The following GRIA1 variants were observed in gnomAD, a reference collection of about 807,000 sequenced individuals.
GRIA1 encodes glutamate ionotropic receptor AMPA type subunit 1, also known as glutamate receptor 1.
Under a neutral mutation model 99.2 loss-of-function variants are expected in GRIA1, and 31 were observed. That is an observed-to-expected ratio of 0.31 (90% CI 0.23 to 0.42). The LOEUF (loss-of-function observed/expected upper bound fraction) is 0.42. GRIA1 is among the 10% of genes least tolerant of loss of function. The pLI is 1.00. For missense variants in GRIA1, 782 were observed against 1,157.5 expected (o/e 0.68, Z 4.71); for synonymous variants, 438 against 432.4 (o/e 1.01, Z -0.16).
intron 5 of GRIA1, 137 bp from the exon 6 acceptor site, chr5:153,674,363 A>G: frequency 1.1e-6 from 1 of 926,102 alleles, no homozygotes; most frequent in Non-Finnish European, 1.7e-6. Flanking sequence ...AGTTCAAAGG[A>G]AAGGAGGCCT....
chr5:153,499,425 C>T (rs1309792805), intron 2 of GRIA1, among the ~76,000 whole-genome samples: 2 of 151,760 alleles, frequency 1.3e-5, no homozygotes, highest in African/African-American at 2.4e-5. Flanking sequence ...ACCATCCTGG[C>T]TAATACAGTG....
Position 153,676,152 on chromosome 5 carries a change from C to T in GRIA1, c.862-842C>T, listed in dbSNP as rs556285226. Among the ~76,000 whole-genome samples the T allele has an allele frequency of 1.7e-4, 26 of 152,092 alleles. 2 individuals carry two copies. Among genetic ancestry groups the T allele is most frequent in the African/African-American group, 5.8e-4 (24 of 41,502 alleles). ...GATTACAGGCGTGAGCCACTGCGCC[C>T]GGCATGTAATTTAATTTTTTAAAAA... On this transcript the variant is annotated intron_variant, in intron 6 of 15. Transcript: ENST00000285900.
chr5:153,587,543 T>C (rs1235507343), intron 2 of GRIA1, among the ~76,000 whole-genome samples: 1 of 152,176 alleles, frequency 6.6e-6, no homozygotes, highest in Non-Finnish European at 1.5e-5. Context: ...CACAGAGTCA[T>C]CACTGACAAC....
At chr5:153,604,016 T>A (rs1362150881) in intron 2 of GRIA1, among the ~76,000 whole-genome samples, 1 of 152,204 alleles carries the variant, frequency 6.6e-6, no homozygotes, top group Non-Finnish European at 1.5e-5. Flanking sequence ...TAGTTTATAA[T>A]CTCCAATATG....
chr5:153,685,265 T>A (rs1757263013), intron 7 of GRIA1, among the ~76,000 whole-genome samples: 1 of 152,214 alleles, frequency 6.6e-6, no homozygotes. Flanking sequence ...ACAGCTAGAC[T>A]CAGACTCAGT....
At chr5:153,638,891 T>A (rs753506258) in intron 2 of GRIA1, among the ~76,000 whole-genome samples, 3 of 152,140 alleles carry the variant, frequency 2.0e-5, no homozygotes, top group Non-Finnish European at 4.4e-5. Context: ...CATTTGAGCT[T>A]AACTTTTAAA....
intron 2 of GRIA1, among the ~76,000 whole-genome samples, chr5:153,624,258 A>G (rs1311464171): frequency 1.3e-5 from 2 of 152,212 alleles, no homozygotes; most frequent in Non-Finnish European, 2.9e-5. Flanking sequence ...AATTGTCCCC[A>G]GGAAGAATGT....
intron 4 of GRIA1, 133 bp from the exon 5 acceptor site, chr5:153,655,686 T>A: frequency 2.9e-6 from 2 of 697,466 alleles, no homozygotes; most frequent in Non-Finnish European, 5.1e-6. Context: ...ATTGGATGGT[T>A]GGGATATTGT....
chr5:153,609,796 T>C (rs147176651), intron 2 of GRIA1, among the ~76,000 whole-genome samples: 35,040 of 151,798 alleles, frequency 0.23, 4,465 homozygotes, highest in Non-Finnish European at 0.3. Flanking sequence ...CTCCTGACCT[T>C]GTGATCTGCC....
intron 2 of GRIA1, among the ~76,000 whole-genome samples, chr5:153,526,934 GT>G (rs1757654311): frequency 6.6e-6 from 1 of 152,228 alleles, no homozygotes; most frequent in South Asian, 2.1e-4. Flanking sequence ...CCACAGGGTT[GT>G]TTGTGTGACT....
intron 2 of GRIA1, among the ~76,000 whole-genome samples, chr5:153,607,069 A>ATATATATAT (rs1581317931): frequency 6.9e-5 from 9 of 130,176 alleles, no homozygotes; most frequent in South Asian, 2.4e-4. Context: ...ATATATATAT[A>ATATATATAT]ATCACAGTTT....
rs11362282 is a variant in GRIA1 at position 153,613,710 on chromosome 5, CTTT to C, written c.221-33208_221-33206del. On this transcript the variant is annotated intron_variant, in intron 2 of 15. Coordinates refer to ENST00000285900, the MANE Select transcript of GRIA1 (RefSeq NM_000827.4). ...CTAACACTTTTCCCAGAAACAGCCA[CTTT>C]TTTTTTTTTGTCAGCCATCATAGAA... is the stretch of plus-strand genomic sequence containing the variant. Among the ~76,000 whole-genome samples, 198 of 147,994 alleles carry C rather than the reference CTTT, an allele frequency of 1.3e-3. 1 individual carries two copies. The highest frequency in any genetic ancestry group is 4.7e-3 in the African/African-American group (188 of 40,288).
chr5:153,670,631 G>C (rs11748694), intron 5 of GRIA1, among the ~76,000 whole-genome samples: 35,958 of 151,680 alleles, frequency 0.24, 5,638 homozygotes, highest in Non-Finnish European at 0.34. Context: ...AAATAAAGCA[G>C]ATAAAGAAAA....
intron 5 of GRIA1, among the ~76,000 whole-genome samples, chr5:153,666,951 C>T (rs1755793449): frequency 6.6e-6 from 1 of 152,150 alleles, no homozygotes; most frequent in African/African-American, 2.4e-5. Flanking sequence ...CCTTCACTTA[C>T]TTTCTTGGTC....
intron 2 of GRIA1, among the ~76,000 whole-genome samples, chr5:153,641,827 C>G (rs943586585): frequency 2.0e-5 from 3 of 152,220 alleles, no homozygotes; most frequent in Admixed American, 6.5e-5. Flanking sequence ...CTGCTGAACT[C>G]ATCCTTAACA....
At chr5:153,616,325 C>A (rs73287709) in intron 2 of GRIA1, among the ~76,000 whole-genome samples, 4,912 of 152,212 alleles carry the variant, frequency 0.032, 267 homozygotes, top group African/African-American at 0.11. Flanking sequence ...ATTCTTATCT[C>A]GCATTCTGAT....
intron 2 of GRIA1, among the ~76,000 whole-genome samples, chr5:153,619,535 A>G (rs1298818600): frequency 2.0e-5 from 3 of 152,164 alleles, no homozygotes; most frequent in Non-Finnish European, 2.9e-5. Context: ...ACTGGAGAGA[A>G]AGACAAATCG....
intron 2 of GRIA1, among the ~76,000 whole-genome samples, chr5:153,618,234 T>C (rs1766701098): frequency 6.6e-6 from 1 of 152,212 alleles, no homozygotes; most frequent in Non-Finnish European, 1.5e-5. Flanking sequence ...CCTGTGAGGA[T>C]AATTTGCATT....
At chr5:153,519,443 A>G (rs1756937517) in intron 2 of GRIA1, among the ~76,000 whole-genome samples, 1 of 151,590 alleles carries the variant, frequency 6.6e-6, no homozygotes, top group South Asian at 2.1e-4. Context: ...GGGATACTAG[A>G]TCAGACTAGA....
Sources: gnomAD v4.1 joint callset for allele counts (sites outside exome capture counted in the v4.1 genomes callset) on GRCh38, gnomAD v4.1.1 for gene constraint, MANE v1.5 for transcripts, NCBI Gene and HGNC (gene_info 2026-07-23, HGNC 2026-07-21) for gene names.